RBFOX1: variants seen among roughly 807,000 people sequenced by gnomAD.
RBFOX1 encodes RNA binding fox-1 homolog 1.
Under a neutral mutation model 57.7 loss-of-function variants are expected in RBFOX1, and 8 were observed. The observed-to-expected ratio is 0.14, with a 90% CI of 0.08 to 0.25. RBFOX1 has a LOEUF of 0.25. Ranked by LOEUF, RBFOX1 falls within the 10% of genes least tolerant of loss-of-function variation. The pLI is 1.00. For missense variants in RBFOX1, 611 were observed against 548.5 expected (o/e 1.11, Z -1.14); for synonymous variants, 326 against 222.4 (o/e 1.47, Z -4.15).
chr16:5,604,228 C>G (rs1359226145), downstream of RBFOX1, among the ~76,000 whole-genome samples: 1 of 152,186 alleles, frequency 6.6e-6, no homozygotes, highest in Non-Finnish European at 1.5e-5. Flanking sequence ...GCTTAAGAGA[C>G]TAAGTGGCTT....
chr16:6,399,036 G>A (rs1016087181), intron 2 of RBFOX1, among the ~76,000 whole-genome samples: 2 of 152,198 alleles, frequency 1.3e-5, no homozygotes, highest in Admixed American at 6.5e-5. Context: ...AAACCTCAAT[G>A]CTTGTCTTCT....
intron 2 of RBFOX1, among the ~76,000 whole-genome samples, chr16:5,505,792 A>G (rs1171021953): frequency 2.6e-5 from 4 of 151,996 alleles, no homozygotes; most frequent in African/African-American, 9.7e-5. Flanking sequence ...CTGCTTGGGG[A>G]TACCCCTGGC....
intron 4 of RBFOX1, among the ~76,000 whole-genome samples, chr16:7,123,046 T>A (rs1420949323): frequency 2.0e-5 from 3 of 151,870 alleles, no homozygotes; most frequent in Non-Finnish European, 4.4e-5. Context: ...GGATTAGGGG[T>A]TGGGGGGAGG....
chr16:5,395,095 G>A (rs1282119785), intron 1 of RBFOX1, among the ~76,000 whole-genome samples: 1 of 152,162 alleles, frequency 6.6e-6, no homozygotes, highest in Non-Finnish European at 1.5e-5. Context: ...GGTTTGCCAA[G>A]CATGGTTCGT....
chr16:6,250,736 G>A (rs1266466730), intron 1 of RBFOX1, among the ~76,000 whole-genome samples: 2 of 152,132 alleles, frequency 1.3e-5, no homozygotes, highest in Non-Finnish European at 2.9e-5. Context: ...GAGAACCAGG[G>A]CACTTCCCAG....
chr16:7,356,259 T>G (rs539171396), intron 4 of RBFOX1, among the ~76,000 whole-genome samples: 80 of 152,258 alleles, frequency 5.3e-4, no homozygotes, highest in East Asian at 2.3e-3. Flanking sequence ...TAGATTCTAA[T>G]GGGCAGGATG....
intron 1 of RBFOX1, among the ~76,000 whole-genome samples, chr16:6,033,711 T>G (rs1242861435): frequency 6.6e-6 from 1 of 152,250 alleles, no homozygotes; most frequent in African/African-American, 2.4e-5. Flanking sequence ...GATATTTATG[T>G]TGTTTCCATT....
intron 7 of RBFOX1, among the ~76,000 whole-genome samples, chr16:7,593,939 TG>T (rs1221810877): frequency 6.6e-6 from 1 of 152,164 alleles, no homozygotes; most frequent in Admixed American, 6.5e-5. Context: ...TTCCGACTGT[TG>T]AAAAGTTCCG....
chr16:6,083,226 C>T (rs1356502958), intron 1 of RBFOX1, among the ~76,000 whole-genome samples: 2 of 152,140 alleles, frequency 1.3e-5, no homozygotes, highest in East Asian at 1.9e-4. Context: ...TGGTTTTGAA[C>T]TCCTGACCTG....
At chr16:7,560,349 T>C (rs1331489801) in intron 5 of RBFOX1, among the ~76,000 whole-genome samples, 1 of 152,140 alleles carries the variant, frequency 6.6e-6, no homozygotes, top group African/African-American at 2.4e-5. Flanking sequence ...ATGTCTTCAG[T>C]TTATTCAGCT....
chr16:6,333,303 C>G (rs1354342148), intron 2 of RBFOX1, among the ~76,000 whole-genome samples: 2 of 152,198 alleles, frequency 1.3e-5, no homozygotes, highest in Non-Finnish European at 2.9e-5. Flanking sequence ...CCTCAGCACC[C>G]CAAAGCGCTG....
intron 2 of RBFOX1, among the ~76,000 whole-genome samples, chr16:6,341,270 T>A (rs1267574094): frequency 6.6e-6 from 1 of 152,196 alleles, no homozygotes; most frequent in Non-Finnish European, 1.5e-5. Flanking sequence ...CCTTGGCTTG[T>A]GGCGTCCTTC....
chr16:5,638,915 C>A (rs1456751786), intron 3 of RBFOX1, among the ~76,000 whole-genome samples: 4 of 152,172 alleles, frequency 2.6e-5, no homozygotes, highest in Non-Finnish European at 5.9e-5. Context: ...TCCTGTGAAA[C>A]CCAACTCAAA....
rs2056077124 is a variant in RBFOX1 at position 5,826,918 on chromosome 16, A to G, written c.319-40385A>G. On this transcript the variant is annotated intron_variant, in intron 3 of 19. Transcript: ENST00000641259. ...GAATCCTTGACCAATAGTGTTGGAA[A>G]TGCTAGAATATCTTTGAAATATTCC... Among the ~76,000 whole-genome samples the G allele has an allele frequency of 2.6e-5, 4 of 152,210 alleles. No homozygotes were observed. In the South Asian group the frequency reaches 8.3e-4, roughly 32 times the overall value.
chr16:5,839,816 A>T lies in RBFOX1; in HGVS notation c.319-27487A>T, dbSNP rs188864523. Reference sequence around the variant, plus strand: ...TTTCTTTTCTTGAGGCTATTTTTAAATGAAGGATTGCTTTCTGAGAAGATG... The same window carrying T: ...TTTCTTTTCTTGAGGCTATTTTTAATTGAAGGATTGCTTTCTGAGAAGATG... On this transcript the variant is annotated intron_variant, in intron 3 of 19. Coordinates refer to the RBFOX1 transcript ENST00000641259. 1.7e-4 allele frequency among the ~76,000 whole-genome samples: 26 copies of T among 152,278 alleles called. No homozygotes were observed. The East Asian group carries it at 4.6e-3, about 27-fold the overall frequency.
intron 3 of RBFOX1, among the ~76,000 whole-genome samples, chr16:7,002,675 G>T (rs2092932523): frequency 6.6e-6 from 1 of 152,190 alleles, no homozygotes; most frequent in Admixed American, 6.5e-5. Flanking sequence ...TTGCGCCACT[G>T]CACTCCAGCC....
chr16:7,607,848 C>T (rs990497837), intron 10 of RBFOX1, among the ~76,000 whole-genome samples: 2 of 152,180 alleles, frequency 1.3e-5, no homozygotes, highest in Non-Finnish European at 1.5e-5. Flanking sequence ...TAATCAAATT[C>T]CCTTAGCAAT....
At chr16:6,432,536 G>A (rs2094128836) in intron 2 of RBFOX1, among the ~76,000 whole-genome samples, 5 of 150,728 alleles carry the variant, frequency 3.3e-5, no homozygotes, top group Admixed American at 3.3e-4. Flanking sequence ...AAAAAAATGA[G>A]CGGGGTGTGG....
intron 3 of RBFOX1, among the ~76,000 whole-genome samples, chr16:5,687,351 C>T (rs1160922349): frequency 1.3e-5 from 2 of 152,196 alleles, no homozygotes; most frequent in East Asian, 3.9e-4. Flanking sequence ...CTGCTTACCA[C>T]TCCCTCCCCA....
Sources: allele counts gnomAD v4.1 joint callset (sites outside exome capture counted in the v4.1 genomes callset), GRCh38; gene constraint gnomAD v4.1.1; transcripts MANE v1.5; gene names NCBI Gene and HGNC (gene_info 2026-07-23, HGNC 2026-07-21).